The following DACH2 variants were observed in gnomAD, a reference collection of about 807,000 sequenced individuals.
The protein encoded by DACH2 is dachshund homolog 2.
Under a neutral mutation model 35.8 loss-of-function variants are expected in DACH2, and 17 were observed. The ratio of observed to expected loss-of-function variants is 0.48; its 90% CI spans 0.33 to 0.71. DACH2 has a LOEUF of 0.71. Ranked by LOEUF, DACH2 falls within the 30% of genes least tolerant of loss-of-function variation. The pLI is 0.02. For missense variants in DACH2, 469 were observed against 472.7 expected, an observed-to-expected ratio of 0.99 and a Z score of 0.07; for synonymous variants, 195 against 177.3, an observed-to-expected ratio of 1.10 and a Z score of -0.79.
At chrX:86,297,264 T>C (rs1003148885) in intron 1 of DACH2, among the ~76,000 whole-genome samples, 5 of 110,377 alleles carry the variant, frequency 4.5e-5, no homozygotes, top group Non-Finnish European at 9.4e-5. Context: ...GACCAAATTC[T>C]CAGTCCATGG....
intron 1 of DACH2, among the ~76,000 whole-genome samples, chrX:86,245,035 G>T (rs2033248866): frequency 9.0e-6 from 1 of 111,654 alleles, no homozygotes; most frequent in Non-Finnish European, 1.9e-5. Flanking sequence ...CTTAAGGCAG[G>T]ACTGTAAGAA....
At chrX:86,695,465 A>G (rs1276549565) in intron 5 of DACH2, among the ~76,000 whole-genome samples, 1 of 108,505 alleles carries the variant, frequency 9.2e-6, no homozygotes, top group Admixed American at 9.9e-5. Context: ...AGTTAAGAAT[A>G]TTGGCTAAAG....
At chrX:86,174,370 T>A (rs2031237020) in intron 1 of DACH2, among the ~76,000 whole-genome samples, 1 of 110,304 alleles carries the variant, frequency 9.1e-6, no homozygotes, top group South Asian at 4.0e-4. Context: ...CAAGCGATCC[T>A]CCTGCCTTCA....
intron 7 of DACH2, among the ~76,000 whole-genome samples, chrX:86,795,329 G>C (rs1206759163): frequency 1.9e-5 from 2 of 107,809 alleles, no homozygotes; most frequent in Non-Finnish European, 3.8e-5. Flanking sequence ...CATCTCCTGG[G>C]TTCATGCCAT....
chrX:86,609,549 A>G (rs2039902696), intron 3 of DACH2, among the ~76,000 whole-genome samples: 1 of 111,728 alleles, frequency 9.0e-6, no homozygotes, highest in Non-Finnish European at 1.9e-5. Flanking sequence ...GTTATTAAAG[A>G]GTTGATTATT....
intron 3 of DACH2, among the ~76,000 whole-genome samples, chrX:86,547,021 T>A (rs368990585): frequency 9.0e-6 from 1 of 111,229 alleles, no homozygotes; most frequent in East Asian, 2.8e-4. Context: ...ATCCCCTTTA[T>A]CTGGACCCAC....
At chrX:86,337,057 C>T (rs2035325058) in intron 1 of DACH2, among the ~76,000 whole-genome samples, 2 of 109,867 alleles carry the variant, frequency 1.8e-5, no homozygotes, top group Admixed American at 9.8e-5. Flanking sequence ...AACAAAGCCT[C>T]CAAGAAATAT....
In DACH2 at chrX:86,468,816, A is replaced by C. The variant is rs188404069; in HGVS notation, c.528-45463A>C. 1.4e-3 allele frequency among the ~76,000 whole-genome samples: 154 copies of C among 111,495 alleles called. 1 individual carries two copies. Among genetic ancestry groups the C allele is most frequent in the Admixed American group, 0.013 (139 of 10,418 alleles). ...TATGGAGGTTCCTCAGAAAATTAAAAACAGAACTACCATATGATCCAACAA... is the reference window on the plus strand; with the variant it reads ...TATGGAGGTTCCTCAGAAAATTAAACACAGAACTACCATATGATCCAACAA... On this transcript the variant is annotated intron_variant, in intron 2 of 11. Transcript: ENST00000373125.
intron 2 of DACH2, among the ~76,000 whole-genome samples, chrX:86,491,739 T>A (rs906019827): frequency 8.9e-6 from 1 of 111,734 alleles, no homozygotes; most frequent in Non-Finnish European, 1.9e-5. Context: ...ACAGTCGGGA[T>A]GCGACAGTTG....
chrX:86,652,466 A>G (rs1479954987), intron 4 of DACH2, among the ~76,000 whole-genome samples: 1 of 112,197 alleles, frequency 8.9e-6, no homozygotes, highest in Non-Finnish European at 1.9e-5. Flanking sequence ...TATACCCAGT[A>G]GTGGGATGGT....
At chrX:86,542,526 C>A (rs1371318585) in intron 3 of DACH2, among the ~76,000 whole-genome samples, 2 of 111,683 alleles carry the variant, frequency 1.8e-5, no homozygotes, top group Admixed American at 9.5e-5. Flanking sequence ...CACAAAAACC[C>A]TCTTTAGAAT....
In DACH2 at chrX:86,425,649, G is replaced by A. The variant is rs192822371; in HGVS notation, c.527+48787G>A. Among the ~76,000 whole-genome samples, 1,050 of 110,295 alleles carry A rather than the reference G, an allele frequency of 9.5e-3. 14 individuals are homozygous for A. Among genetic ancestry groups the A allele is most frequent in the African/African-American group, 0.033 (1,003 of 30,498 alleles). On this transcript the variant is annotated intron_variant, in intron 2 of 11. Transcript: ENST00000373125. ...CAACTTTTTGTTTCATGGATTTTTT[G>A]TACTGTTTTCTTCATTTCAATTTCA...
intron 5 of DACH2, among the ~76,000 whole-genome samples, chrX:86,702,077 T>A (rs1022085306): frequency 1.8e-5 from 2 of 111,734 alleles, no homozygotes; most frequent in African/African-American, 6.5e-5. Context: ...AAATATCTTA[T>A]CAGGCCACAG....
At chrX:86,269,300 C>T (rs2033771803) in intron 1 of DACH2, among the ~76,000 whole-genome samples, 1 of 111,744 alleles carries the variant, frequency 8.9e-6, no homozygotes, top group African/African-American at 3.2e-5. Context: ...CAGTATTATC[C>T]CGTGTTGTTG....
chrX:86,781,434 G>C (rs2042088599), intron 7 of DACH2, among the ~76,000 whole-genome samples: 1 of 111,664 alleles, frequency 9.0e-6, no homozygotes, highest in African/African-American at 3.3e-5. Context: ...CTCACAAGTA[G>C]TGAATCAGGA....
chrX:86,793,761 G>A (rs2042210367), intron 7 of DACH2, among the ~76,000 whole-genome samples: 1 of 111,977 alleles, frequency 8.9e-6, no homozygotes, highest in Admixed American at 9.5e-5. Context: ...CATATAACAT[G>A]TCATTTTTAT....
At chrX:86,168,857 G>T (rs2147871200) in intron 1 of DACH2, among the ~76,000 whole-genome samples, 1 of 110,166 alleles carries the variant, frequency 9.1e-6, no homozygotes, top group Non-Finnish European at 1.9e-5. Flanking sequence ...TACTGACTAT[G>T]TCTTGAAATG....
At chrX:86,328,937 T>C (rs1209910286) in intron 1 of DACH2, among the ~76,000 whole-genome samples, 1 of 111,822 alleles carries the variant, frequency 8.9e-6, no homozygotes, top group Non-Finnish European at 1.9e-5. Context: ...ATTTATGCTC[T>C]TTGCCCTGGA....
chrX:86,320,739 CT>C (rs1417339464), intron 1 of DACH2, among the ~76,000 whole-genome samples: 4 of 112,024 alleles, frequency 3.6e-5, no homozygotes, highest in Non-Finnish European at 7.5e-5. Flanking sequence ...GGCTTTTGAT[CT>C]GGACCTGAAG....
Sources: allele counts gnomAD v4.1 joint callset (sites outside exome capture counted in the v4.1 genomes callset), GRCh38; gene constraint gnomAD v4.1.1; transcripts MANE v1.5; gene names NCBI Gene and HGNC (gene_info 2026-07-23, HGNC 2026-07-21).